TANK: variants seen among roughly 807,000 people sequenced by gnomAD.
TANK encodes the protein TRAF family member-associated NF-kappa-B activator.
A neutral mutation model predicts 43.6 loss-of-function variants in TANK; 15 were observed. That is an observed-to-expected ratio of 0.34 (90% confidence interval 0.23 to 0.53). The LOEUF (loss-of-function observed/expected upper bound fraction) is 0.53, where lower values mean the gene tolerates loss of function less well. Ranked by LOEUF, TANK falls within the 20% of genes least tolerant of loss-of-function variation. The pLI is 0.94. For synonymous variants in TANK, 162 were observed against 178.2 expected, an observed-to-expected ratio of 0.91 and a Z score of 0.73; for missense variants, 417 against 498.6, an observed-to-expected ratio of 0.84 and a Z score of 1.56.
At chr2:161,160,794 A>C (rs1684387012) in intron 1 of TANK, 1 of 545,780 alleles carries the variant, frequency 1.8e-6, no homozygotes, top group Non-Finnish European at 3.6e-6. Flanking sequence ...TGCCCGGGAA[A>C]TGGGGGTGGA....
rs555504330 is a variant in TANK, at chr2:161,219,536, A to G, written c.328-4379A>G. ...TGAGGGTGAGAGAACCATAGATTTTATATGGCCGTAAGTTCTTTTAGATTA... is the reference window on the plus strand; with the variant it reads ...TGAGGGTGAGAGAACCATAGATTTTGTATGGCCGTAAGTTCTTTTAGATTA... On this transcript the variant is annotated intron_variant, in intron 4 of 7. Transcript: ENST00000392749. Among the ~76,000 whole-genome samples the G allele has an allele frequency of 4.6e-5, 7 of 152,202 alleles. No homozygotes were observed. The South Asian group carries it at 1.2e-3, about 27-fold the overall frequency.
upstream of TANK, among the ~76,000 whole-genome samples, chr2:161,155,514 T>C (rs1392614759): frequency 1.3e-5 from 2 of 152,204 alleles, no homozygotes. Context: ...AACCTTGAGG[T>C]ATCTGAGAAT....
chr2:161,203,887 A>C (rs1299692826), intron 3 of TANK, among the ~76,000 whole-genome samples: 1 of 152,180 alleles, frequency 6.6e-6, no homozygotes, highest in African/African-American at 2.4e-5. Flanking sequence ...CTTTTGAACC[A>C]AAAACTCAAG....
At chr2:161,191,625 GT>G (rs1036024148) in intron 2 of TANK, among the ~76,000 whole-genome samples, 2 of 152,140 alleles carry the variant, frequency 1.3e-5, no homozygotes, top group African/African-American at 4.8e-5. Context: ...TAGCTACTAA[GT>G]TAGTAGAATT....
In TANK at chr2:161,168,744, A is replaced by T. The variant is rs569395737; in HGVS notation, c.-50+8258A>T. Among the ~76,000 whole-genome samples the T allele has an allele frequency of 7.2e-5, 11 of 152,300 alleles. No homozygotes were observed. The South Asian group carries it at 2.3e-3, about 32-fold the overall frequency. On this transcript the variant is annotated intron_variant, in intron 1 of 7. Transcript: ENST00000392749. The stretch of plus-strand genomic sequence containing the variant: ...GCTACTGGGGAGGCTGAGGCACAAG[A>T]ATCGCTTGAATCCCGGAGGTGGAGG...
At chr2:161,189,448 C>T (rs1685814776) in intron 2 of TANK, among the ~76,000 whole-genome samples, 1 of 152,130 alleles carries the variant, frequency 6.6e-6, no homozygotes, top group South Asian at 2.1e-4. Context: ...TAGCATCATA[C>T]TCCAGAGTGA....
intron 1 of TANK, among the ~76,000 whole-genome samples, chr2:161,169,649 A>G (rs1684855555): frequency 6.6e-6 from 1 of 152,210 alleles, no homozygotes; most frequent in Admixed American, 6.5e-5. Flanking sequence ...AGGGGAAAGC[A>G]GAGGACTACT....
intron 6 of TANK, among the ~76,000 whole-genome samples, chr2:161,227,678 C>T (rs546639406): frequency 6.6e-6 from 1 of 152,370 alleles, no homozygotes; most frequent in South Asian, 2.1e-4. Context: ...GATTCTCCAG[C>T]ATTCACCTTG....
At chr2:161,155,227 T>C (rs1237010942) in intron 1 of TANK, among the ~76,000 whole-genome samples, 4 of 152,146 alleles carry the variant, frequency 2.6e-5, no homozygotes, top group African/African-American at 9.7e-5. Flanking sequence ...TCCCACCCAC[T>C]TGCATATTTG....
intron 1 of TANK, among the ~76,000 whole-genome samples, chr2:161,165,750 A>G (rs1228564026): frequency 6.6e-6 from 1 of 152,160 alleles, no homozygotes; most frequent in Non-Finnish European, 1.5e-5. Flanking sequence ...ACTATTTCAA[A>G]ATTGTATATC....
At chr2:161,209,056 A>G (rs1686769215) in intron 4 of TANK, among the ~76,000 whole-genome samples, 1 of 152,246 alleles carries the variant, frequency 6.6e-6, no homozygotes, top group African/African-American at 2.4e-5. Flanking sequence ...GATGAAACGT[A>G]AGGGAACTTA....
chr2:161,227,728 G>A (rs185791745), intron 6 of TANK, among the ~76,000 whole-genome samples: 114 of 152,184 alleles, frequency 7.5e-4, no homozygotes, highest in African/African-American at 2.7e-3. Context: ...TCTCCTCTTC[G>A]GGTGTTACAG....
chr2:161,139,617 A>C (rs929360849), intron 1 of TANK: 81 of 742,916 alleles, frequency 1.1e-4, no homozygotes, highest in Non-Finnish European at 1.3e-4. Flanking sequence ...TAAAATAATA[A>C]ATTGGTAGTT....
intron 6 of TANK, 21 bp downstream of exon 6, chr2:161,224,767 C>T (rs753633982): frequency 8.8e-6 from 12 of 1,358,078 alleles, no homozygotes; most frequent in Non-Finnish European, 1.1e-5. Flanking sequence ...ATTTAATTTA[C>T]AGTAATATTG....
chr2:161,158,944 A>T (rs1362099917), upstream of TANK, among the ~76,000 whole-genome samples: 1 of 152,236 alleles, frequency 6.6e-6, no homozygotes, highest in Non-Finnish European at 1.5e-5. Context: ...ATATGAAAAG[A>T]TCCTCCACGT....
intron 4 of TANK, chr2:161,211,782 C>T: frequency 1.0e-6 from 1 of 985,396 alleles, no homozygotes; most frequent in Non-Finnish European, 1.2e-6. Context: ...CCAATGTAGG[C>T]TGGGGCTTAG....
At chr2:161,216,680 T>C (rs1381359569) in intron 4 of TANK, among the ~76,000 whole-genome samples, 1 of 152,122 alleles carries the variant, frequency 6.6e-6, no homozygotes, top group African/African-American at 2.4e-5. Context: ...GGGTTTCTCC[T>C]GCCCTAAGAT....
chr2:161,169,049 A>G (rs1236742351), intron 1 of TANK, among the ~76,000 whole-genome samples: 1 of 152,222 alleles, frequency 6.6e-6, no homozygotes, highest in Non-Finnish European at 1.5e-5. Flanking sequence ...AGCTGCTACA[A>G]GATTTGCGTC....
At chr2:161,233,866 A>G (rs1688045590) in intron 7 of TANK, among the ~76,000 whole-genome samples, 1 of 152,162 alleles carries the variant, frequency 6.6e-6, no homozygotes, top group Admixed American at 6.5e-5. Context: ...TTAAACTGAA[A>G]ACATTAAAAT....
Sources: allele counts gnomAD v4.1 joint callset (sites outside exome capture counted in the v4.1 genomes callset), GRCh38; gene constraint gnomAD v4.1.1; transcripts MANE v1.5; gene names NCBI Gene and HGNC (gene_info 2026-07-23, HGNC 2026-07-21).